Variants in CREB3L2 observed in about 807,000 individuals in gnomAD.
CREB3L2 encodes the protein cAMP responsive element binding protein 3 like 2, also known as cyclic AMP-responsive element-binding protein 3-like protein 2.
CREB3L2 carries 23 observed loss-of-function variants against 57.2 expected under a neutral mutation model. The ratio of observed to expected loss-of-function variants is 0.40; its 90% CI spans 0.29 to 0.57. The LOEUF is 0.57. CREB3L2 is among the 20% of genes least tolerant of loss of function. CREB3L2 has a pLI of 0.42. For missense variants in CREB3L2, 628 were observed against 634.7 expected (o/e 0.99, Z 0.11); for synonymous variants, 268 against 265.1 (o/e 1.01, Z -0.11).
At position 137,902,435 on chromosome 7, in the gene CREB3L2, G is replaced by A. The variant is rs185253757; in HGVS notation, c.975-1013C>T. 3.2e-3 allele frequency among the ~76,000 whole-genome samples: 487 copies of A among 152,248 alleles called. 7 individuals carry two copies. The highest frequency in any genetic ancestry group is 0.02 in the Middle Eastern group (6 of 294). ...AAGAGACTTAAGCAAAGGGCAGGAC[G>A]AGAGCCCAGGACTAGGAATCCTGGT... On this transcript the variant is annotated intron_variant, in intron 7 of 11. Coordinates refer to ENST00000330387, the MANE Select transcript of CREB3L2 (RefSeq NM_194071.4).
intron 1 of CREB3L2, among the ~76,000 whole-genome samples, chr7:137,947,764 TG>T (rs1801021748): frequency 6.6e-6 from 1 of 152,226 alleles, no homozygotes; most frequent in African/African-American, 2.4e-5. Flanking sequence ...GAAGAATTTT[TG>T]AAATGCTCAA....
intron 8 of CREB3L2, among the ~76,000 whole-genome samples, chr7:137,886,409 G>C (rs1330867753): frequency 6.6e-6 from 1 of 152,146 alleles, no homozygotes; most frequent in East Asian, 1.9e-4. Context: ...AGAAAGGCCA[G>C]AGGTGGGGGC....
At position 137,971,576 on chromosome 7, in the gene CREB3L2, C is replaced by T. The variant is rs116821356; in HGVS notation, c.102+30028G>A. Among the ~76,000 whole-genome samples the T allele has an allele frequency of 2.9e-3, 439 of 151,956 alleles. 2 individuals are homozygous for T. Among genetic ancestry groups the T allele is most frequent in the African/African-American group, 9.9e-3 (412 of 41,444 alleles). ...TGATGTGTGAGTGCACACAAAACAC[C>T]GGTCCTTACTCTCTGCAACCCGAAT... On this transcript the variant is annotated intron_variant, in intron 1 of 11. Transcript: ENST00000330387.
At chr7:137,959,624 T>C (rs977744334) in intron 1 of CREB3L2, among the ~76,000 whole-genome samples, 7 of 152,220 alleles carry the variant, frequency 4.6e-5, no homozygotes, top group African/African-American at 1.4e-4. Flanking sequence ...CAAAAACGTT[T>C]TGGGAGAGAA....
chr7:137,913,167 C>A, intron 3 of CREB3L2, 89 bp from the exon 4 acceptor site: 1 of 1,324,916 alleles, frequency 7.5e-7, no homozygotes. Flanking sequence ...CTGTGTCTTC[C>A]TCTCGGGACA....
intron 1 of CREB3L2, chr7:137,953,299 C>A: frequency 2.7e-6 from 1 of 375,114 alleles, no homozygotes; most frequent in Non-Finnish European, 5.2e-6. Context: ...CACTGAAAAC[C>A]TGCTTACCGC....
At chr7:137,967,694 C>T (rs1407738927) in intron 1 of CREB3L2, among the ~76,000 whole-genome samples, 1 of 152,196 alleles carries the variant, frequency 6.6e-6, no homozygotes, top group Non-Finnish European at 1.5e-5. Context: ...CCTGTGGCCC[C>T]TGCTCCCGAT....
chr7:137,989,147 T>C (rs1801841244), intron 1 of CREB3L2, among the ~76,000 whole-genome samples: 1 of 152,208 alleles, frequency 6.6e-6, no homozygotes, highest in South Asian at 2.1e-4. Flanking sequence ...TTCTACACTT[T>C]GTCCATTTAC....
In CREB3L2 at chr7:137,972,331, G is replaced by C. The variant is rs557298270; in HGVS notation, c.102+29273C>G. Among the ~76,000 whole-genome samples, 27 of 152,066 alleles carry C rather than the reference G, an allele frequency of 1.8e-4. No individual in the cohort carries two copies. In the East Asian group the frequency reaches 5.0e-3, roughly 28 times the overall value. On this transcript the variant is annotated intron_variant, in intron 1 of 11. Transcript: ENST00000330387. ...TGCACACCTATAATCCCAGCTACTT[G>C]GGAGGCTGAGGCAGGAGAATTGCTT...
At chr7:137,924,334 T>C (rs1800400037) in intron 2 of CREB3L2, among the ~76,000 whole-genome samples, 1 of 152,234 alleles carries the variant, frequency 6.6e-6, no homozygotes, top group African/African-American at 2.4e-5. Flanking sequence ...TGTATCATCT[T>C]AGAGGATAGG....
chr7:137,888,788 C>G (rs1799477548), intron 8 of CREB3L2, among the ~76,000 whole-genome samples: 1 of 152,092 alleles, frequency 6.6e-6, no homozygotes, highest in Admixed American at 6.6e-5. Flanking sequence ...ACAGCTGCCA[C>G]TTTTCCTGGG....
At chr7:137,960,383 A>G (rs528751861) in intron 1 of CREB3L2, among the ~76,000 whole-genome samples, 1 of 152,344 alleles carries the variant, frequency 6.6e-6, no homozygotes, top group East Asian at 1.9e-4. Flanking sequence ...GAATAAATAC[A>G]TATGTGTGTG....
At chr7:137,999,324 A>C (rs1331569503) in intron 1 of CREB3L2, among the ~76,000 whole-genome samples, 2 of 151,246 alleles carry the variant, frequency 1.3e-5, no homozygotes, top group Non-Finnish European at 2.9e-5. Context: ...TTTCCATAAC[A>C]CTTATTTCAT....
chr7:137,879,056 C>T lies in CREB3L2; in HGVS notation c.*1420G>A, dbSNP rs527837902. On this transcript the variant is annotated 3_prime_UTR_variant, in exon 12 of 12. Coordinates refer to ENST00000330387, the MANE Select transcript of CREB3L2 (RefSeq NM_194071.4). ...TCCTACACAAAATCTTTCCCAAGCT[C>T]GGAAAAAACACTTGAGGGTTTTCTA... The T allele has an allele frequency of 1.9e-5, 8 of 431,050 alleles. No individual in the cohort carries two copies. In the East Asian group the frequency reaches 2.5e-4, roughly 14 times the overall value. The allele number at this position is 431,050 out of a possible 1,614,324, so 26.7% of individuals were successfully genotyped here.
At chr7:137,938,225 G>A (rs1800824684) in intron 1 of CREB3L2, among the ~76,000 whole-genome samples, 1 of 152,152 alleles carries the variant, frequency 6.6e-6, no homozygotes, top group Admixed American at 6.5e-5. Context: ...CCAATATGAT[G>A]GTAGATGTTG....
In CREB3L2 at chr7:137,973,418, G is replaced by A. The variant is rs115427875; in HGVS notation, c.102+28186C>T. Among the ~76,000 whole-genome samples the A allele has an allele frequency of 8.6e-3, 1,305 of 152,084 alleles. 29 individuals carry two copies. Among genetic ancestry groups the A allele is most frequent in the African/African-American group, 0.03 (1,253 of 41,384 alleles). ...GTTTCCCAGACAGCGGCCCACCGGCGCCTATTCTCTTTGAACACAATGGAG... is the reference window on the plus strand; with the variant it reads ...GTTTCCCAGACAGCGGCCCACCGGCACCTATTCTCTTTGAACACAATGGAG... On this transcript the variant is annotated intron_variant, in intron 1 of 11. Transcript: ENST00000330387.
intron 1 of CREB3L2, among the ~76,000 whole-genome samples, chr7:137,936,159 A>G (rs1384195753): frequency 1.3e-5 from 2 of 152,232 alleles, no homozygotes; most frequent in African/African-American, 4.8e-5. Context: ...ATGGGCAGAA[A>G]GATGAATAAA....
intron 1 of CREB3L2, among the ~76,000 whole-genome samples, chr7:137,993,155 C>T (rs1318201568): frequency 1.3e-5 from 2 of 152,188 alleles, no homozygotes; most frequent in Non-Finnish European, 2.9e-5. Flanking sequence ...GGTTGGGACA[C>T]CTTGTTCTCA....
At chr7:137,939,260 C>T (rs1013037873) in intron 1 of CREB3L2, among the ~76,000 whole-genome samples, 4 of 152,136 alleles carry the variant, frequency 2.6e-5, no homozygotes, top group South Asian at 2.1e-4. Flanking sequence ...CCTCACAAGA[C>T]GGAGAATTAT....
Sources: gnomAD v4.1 joint callset for allele counts (sites outside exome capture counted in the v4.1 genomes callset) on GRCh38, gnomAD v4.1.1 for gene constraint, MANE v1.5 for transcripts, NCBI Gene and HGNC (gene_info 2026-07-23, HGNC 2026-07-21) for gene names.